Variants in SPDL1 observed in about 807,000 individuals in gnomAD.
SPDL1 encodes protein Spindly.
Under a neutral mutation model 79.5 loss-of-function variants are expected in SPDL1, and 85 were observed. That is an observed-to-expected ratio of 1.07 (90% CI 0.90 to 1.28). SPDL1 has a LOEUF of 1.28. Among genes scored for constraint, SPDL1 ranks in the 50% most tolerant of loss-of-function variants. SPDL1 has a pLI of 0.00. For missense variants in SPDL1, 703 were observed against 697.8 expected (o/e 1.01, Z -0.08); for synonymous variants, 269 against 240.3 (o/e 1.12, Z -1.10).
At chr5:169,589,223 A>C (rs1279703068) in intron 2 of SPDL1, among the ~76,000 whole-genome samples, 6 of 152,164 alleles carry the variant, frequency 3.9e-5, no homozygotes, top group Non-Finnish European at 8.8e-5. Context: ...TATCTTTGCT[A>C]CTGGCACTGT....
At chr5:169,603,355 T>C (rs1010562493) in intron 11 of SPDL1, among the ~76,000 whole-genome samples, 1 of 152,190 alleles carries the variant, frequency 6.6e-6, no homozygotes, top group Admixed American at 6.5e-5. Flanking sequence ...TGAAACTCAA[T>C]TTTTTAATAT....
Position 169,599,004 on chromosome 5 carries a change from C to A in SPDL1, c.1169C>A (p.Ser390Tyr). The change falls in exon 10 of 12, where the codon TCC (serine) becomes TAC (tyrosine). Residue 390 changes from serine (S) to tyrosine (Y), a missense_variant. Ser to Tyr is a moderately radical substitution (Grantham distance 144, BLOSUM62 -2). Transcript: ENST00000265295. ...ATTGAAAGCACTAAAGGTGAATTGT[C>A]CATACAGCGAATGAAAGCATTATTT... ...KEIESTKGEL[S>Y]IQRMKALFES... is the part of the protein sequence containing the mutation. The A allele has an allele frequency of 6.4e-7, 1 of 1,570,566 alleles. No individual in the cohort carries two copies. Among genetic ancestry groups the A allele is most frequent in the Non-Finnish European group, 8.7e-7 (1 of 1,154,750 alleles).
intron 1 of SPDL1, among the ~76,000 whole-genome samples, chr5:169,584,664 G>C (rs931557609): frequency 1.3e-5 from 2 of 152,180 alleles, no homozygotes; most frequent in Non-Finnish European, 2.9e-5. Context: ...TTTTTGAGAA[G>C]CAGGACAGGA....
chr5:169,591,178 A>T lies in SPDL1; in HGVS notation c.290A>T (p.Gln97Leu). The T allele has an allele frequency of 6.2e-7, 1 of 1,614,072 alleles. No individual in the cohort carries two copies. The highest frequency in any genetic ancestry group is 8.5e-7 in the Non-Finnish European group (1 of 1,179,972). Residue 97 changes from glutamine to leucine, a missense_variant, in exon 3 of 12, where the codon CAA becomes CTA. Coordinates refer to ENST00000265295, the MANE Select transcript of SPDL1 (RefSeq NM_017785.5). ...ATGCACCTGGAGAAATTGGAAGAAC[A>T]ACTAAGCAGAAGCCATGGACAGGAA... ...QKMHLEKLEE[Q>L]LSRSHGQEVN...
intron 2 of SPDL1, among the ~76,000 whole-genome samples, chr5:169,589,222 T>TAC (rs1755144699): frequency 6.6e-6 from 1 of 152,214 alleles, no homozygotes; most frequent in Non-Finnish European, 1.5e-5. Flanking sequence ...GTATCTTTGC[T>TAC]ACTGGCACTG....
chr5:169,598,450 G>C, intron 8 of SPDL1, 26 bp from the exon 9 acceptor site: 1 of 1,368,162 alleles, frequency 7.3e-7, no homozygotes, highest in Non-Finnish European at 1.0e-6. Context: ...TTTATTTTAA[G>C]TAATACAAAC....
In SPDL1 at chr5:169,604,654, A is replaced by G. The variant is rs149640022; in HGVS notation, c.*447A>G. 2.0e-5 allele frequency: 3 copies of G among 152,368 alleles called. No individual in the cohort carries two copies. Among genetic ancestry groups the G allele is most frequent in the Non-Finnish European group, 4.4e-5 (3 of 68,052 alleles). 9.4% of individuals were successfully genotyped at this position (152,368 alleles called of 1,614,324 possible). ...AAAAATAGGAAATGTGGCTTAAAATATATACATTATATTGTTTCAGGATTT... is the reference window on the plus strand; with the variant it reads ...AAAAATAGGAAATGTGGCTTAAAATGTATACATTATATTGTTTCAGGATTT... On this transcript the variant is annotated 3_prime_UTR_variant, in exon 12 of 12. Transcript: ENST00000265295.
chr5:169,603,033 A>G (rs1327232755), intron 11 of SPDL1, among the ~76,000 whole-genome samples: 1 of 152,126 alleles, frequency 6.6e-6, no homozygotes, highest in Non-Finnish European at 1.5e-5. Flanking sequence ...GTATGTGGCT[A>G]ATTGACTCAA....
chr5:169,591,064 A>AAT lies in SPDL1; in HGVS notation c.180_181dup (p.Thr61IlefsTer14). On this transcript the variant is annotated frameshift_variant, in exon 3 of 12. Transcript: ENST00000265295. LOFTEE classifies it high-confidence loss of function. The stretch of plus-strand genomic sequence containing the variant: ...TGTTTTCAGAGTTATGAACAAGAAA[A>AAT]ATATACCCTTCAAAGAGAAGTTGAA... The AAT allele has an allele frequency of 6.2e-7, 1 of 1,613,134 alleles. No individual in the cohort carries two copies. The highest frequency in any genetic ancestry group is 8.5e-7 in the Non-Finnish European group (1 of 1,179,676).
In SPDL1 at chr5:169,588,384, C is replaced by G. The variant is rs150517088; in HGVS notation, c.-23-10C>G. 6.4e-7 allele frequency: 1 copy of G among 1,565,318 alleles called. No homozygotes were observed. The highest frequency in any genetic ancestry group is 2.0e-5 in the Admixed American group (1 of 49,840). ...ATAAGCTTAAGTAGTTTTATTTCCTCTATTTACAGTTGGCTAAAAAAAAGA... is the reference window on the plus strand; with the variant it reads ...ATAAGCTTAAGTAGTTTTATTTCCTGTATTTACAGTTGGCTAAAAAAAAGA... On this transcript the variant is annotated splice_polypyrimidine_tract_variant and intron_variant, in intron 1 of 11. Coordinates refer to ENST00000265295, the MANE Select transcript of SPDL1 (RefSeq NM_017785.5).
chr5:169,599,047 A>C lies in SPDL1; in HGVS notation c.1212A>C (p.Leu404=). 1 of 1,602,112 alleles carries C rather than the reference A, an allele frequency of 6.2e-7. No homozygotes were observed. Among genetic ancestry groups the C allele is most frequent in the South Asian group, 1.1e-5 (1 of 89,992 alleles). The change falls in exon 10 of 12, where the codon CTA becomes CTC. Residue 404 remains leucine, a synonymous_variant. Transcript: ENST00000265295. ...CATTATTTGAGAGCCAGCGGGCTCTAGATATTGAGCGAAAACTTTTTGCAA... is the reference window on the plus strand; with the variant it reads ...CATTATTTGAGAGCCAGCGGGCTCTCGATATTGAGCGAAAACTTTTTGCAA... The part of the protein sequence containing the change: ...MKALFESQRA[L]DIERKLFANE...
chr5:169,594,637 A>G lies in SPDL1; in HGVS notation c.847A>G (p.Lys283Glu), dbSNP rs1755494497. The G allele has an allele frequency of 6.2e-7, 1 of 1,613,806 alleles. No homozygotes were observed. Among genetic ancestry groups the G allele is most frequent in the Non-Finnish European group, 8.5e-7 (1 of 1,179,814 alleles). ...ISMKVKYQSL[K>E]KQNVFNREQM... The stretch of plus-strand genomic sequence containing the variant: ...TATGAAAGTCAAGTATCAGTCACTA[A>G]AGAAGCAAAATGTATTTAACAGAGA... The change falls in exon 7 of 12, where the codon AAG becomes GAG. Residue 283 changes from lysine (K) to glutamate (E), a missense_variant. By Grantham distance (56) the Lys-to-Glu change is moderately conservative (BLOSUM62 1). Coordinates refer to ENST00000265295, the MANE Select transcript of SPDL1 (RefSeq NM_017785.5).
chr5:169,601,767 C>A, intron 11 of SPDL1, 142 bp downstream of exon 11: 1 of 814,746 alleles, frequency 1.2e-6, no homozygotes, highest in Non-Finnish European at 2.1e-6. Flanking sequence ...TACCTACCTT[C>A]AACTTTTCCA....
At chr5:169,590,429 T>C (rs1755213092) in intron 2 of SPDL1, among the ~76,000 whole-genome samples, 1 of 152,254 alleles carries the variant, frequency 6.6e-6, no homozygotes, top group Admixed American at 6.5e-5. Context: ...AAAATGGTTT[T>C]TGAGGGGAAT....
chr5:169,590,912 G>T, intron 2 of SPDL1, 136 bp from the exon 3 acceptor site: 1 of 802,292 alleles, frequency 1.2e-6, no homozygotes. Flanking sequence ...GTTATTCCAG[G>T]TTTAACATGT....
intron 10 of SPDL1, among the ~76,000 whole-genome samples, chr5:169,600,642 T>G (rs1455633233): frequency 1.3e-5 from 2 of 152,202 alleles, no homozygotes; most frequent in African/African-American, 4.8e-5. Context: ...GATAGAATGA[T>G]ATTAGGCCAT....
In SPDL1 at chr5:169,599,012, C is replaced by A. The variant is rs371434309; in HGVS notation, c.1177C>A (p.Arg393=). 1.3e-6 allele frequency: 2 copies of A among 1,571,350 alleles called. No individual in the cohort carries two copies. Among genetic ancestry groups the A allele is most frequent in the Non-Finnish European group, 1.7e-6 (2 of 1,154,772 alleles). Residue 393 remains arginine (R), a synonymous_variant, in exon 10 of 12, where the codon CGA becomes AGA. Transcript: ENST00000265295. Reference sequence around the variant, plus strand: ...CACTAAAGGTGAATTGTCCATACAGCGAATGAAAGCATTATTTGAGAGCCA... The same window carrying A: ...CACTAAAGGTGAATTGTCCATACAGAGAATGAAAGCATTATTTGAGAGCCA... ...ESTKGELSIQ[R]MKALFESQRA...
intron 11 of SPDL1, chr5:169,602,086 C>T (rs912205012): frequency 1.4e-4 from 26 of 186,630 alleles, no homozygotes; most frequent in Admixed American, 5.6e-5. Context: ...AAATGGGCTT[C>T]AATACTTATT....
chr5:169,584,063 C>T (rs1475202451), intron 1 of SPDL1, 174 bp downstream of exon 1: 1 of 152,184 alleles, frequency 6.6e-6, no homozygotes, highest in African/African-American at 2.4e-5. Context: ...TCTTATCTTC[C>T]GCTGGACCAC....
Sources: gnomAD v4.1 joint callset for allele counts (sites outside exome capture counted in the v4.1 genomes callset) on GRCh38, gnomAD v4.1.1 for gene constraint, MANE v1.5 for transcripts, NCBI Gene and HGNC (gene_info 2026-07-23, HGNC 2026-07-21) for gene names.